Variants in EXOC3 observed in about 807,000 individuals in gnomAD.
EXOC3 encodes exocyst complex component 3.
A neutral mutation model predicts 73.7 loss-of-function variants in EXOC3; 21 were observed. The ratio of observed to expected loss-of-function variants is 0.29; its 90% CI spans 0.20 to 0.41. EXOC3 has a LOEUF of 0.41. Ranked by LOEUF, EXOC3 falls within the 10% of genes least tolerant of loss-of-function variation. EXOC3 has a pLI of 1.00. For synonymous variants in EXOC3, 410 were observed against 389.1 expected (o/e 1.05, Z -0.63); for missense variants, 842 against 985.1 (o/e 0.85, Z 1.95).
At chr5:446,371 C>T (rs781660416) in intron 2 of EXOC3, 22 bp downstream of exon 2, 20 of 1,570,206 alleles carry the variant, frequency 1.3e-5, no homozygotes, top group Non-Finnish European at 1.7e-5. Flanking sequence ...TGCCCCACTC[C>T]CAGGATCTGT....
chr5:466,527 C>A, intron 12 of EXOC3, 200 bp from the exon 13 acceptor site: 1 of 557,952 alleles, frequency 1.8e-6, no homozygotes, highest in Non-Finnish European at 3.2e-6. Context: ...AAAAATCTTT[C>A]TGCAATTGGA....
chr5:444,209 G>T (rs1737436185), intron 1 of EXOC3, among the ~76,000 whole-genome samples: 1 of 152,260 alleles, frequency 6.6e-6, no homozygotes, highest in Non-Finnish European at 1.5e-5. Flanking sequence ...CTGGACCTGG[G>T]TCTCTGTTTA....
At chr5:462,510 C>T (rs1192626972) in intron 9 of EXOC3, 3 of 584,592 alleles carry the variant, frequency 5.1e-6, no homozygotes, top group Non-Finnish European at 9.2e-6. Flanking sequence ...TTCTTACGCA[C>T]AATTCAGTAG....
At chr5:452,488 T>G (rs1376370237) in intron 3 of EXOC3, among the ~76,000 whole-genome samples, 1 of 152,276 alleles carries the variant, frequency 6.6e-6, no homozygotes, top group African/African-American at 2.4e-5. Flanking sequence ...TTTTAAAGTC[T>G]TTCTCTAGTA....
chr5:444,709 G>T (rs932828137), intron 1 of EXOC3, among the ~76,000 whole-genome samples: 1 of 152,208 alleles, frequency 6.6e-6, no homozygotes, highest in Admixed American at 6.6e-5. Flanking sequence ...TTTAAGGGGA[G>T]TTGTCCCTGG....
At chr5:448,755 C>T (rs1737575052) in intron 3 of EXOC3, among the ~76,000 whole-genome samples, 3 of 152,218 alleles carry the variant, frequency 2.0e-5, no homozygotes, top group South Asian at 2.1e-4. Flanking sequence ...TCCTCTCTGC[C>T]CTCCTCTCGT....
intron 4 of EXOC3, among the ~76,000 whole-genome samples, chr5:455,313 A>G (rs1296542153): frequency 1.3e-5 from 2 of 151,994 alleles, no homozygotes; most frequent in Non-Finnish European, 2.9e-5. Context: ...TTGTGTCTTG[A>G]TTTTGTCTTT....
rs1448208463 is a variant in EXOC3, at chr5:443,233, GGCGGCGGCGGCGGCGGC to G, written c.-112_-96del. ...CGAAGGCGGAGGGGGCGGCGGGGGC[GGCGGCGGCGGCGGCGGC>G]GGCGGCGGCGGCGGCGGCGGCGGCG... On this transcript the variant is annotated 5_prime_UTR_variant, in exon 1 of 13. Coordinates refer to ENST00000512944, the MANE Select transcript of EXOC3 (RefSeq NM_007277.5). 1 of 2,178 alleles carries G rather than the reference GGCGGCGGCGGCGGCGGC, an allele frequency of 4.6e-4. No homozygotes were observed. 0.1% of individuals were successfully genotyped at this position (2,178 alleles called of 1,614,324 possible).
intron 1 of EXOC3, chr5:444,779 A>G (rs1416792086): frequency 1.3e-5 from 2 of 148,692 alleles, no homozygotes; most frequent in African/African-American, 4.9e-5. Flanking sequence ...GTTACCCCTG[A>G]GTGGTGGGAT....
Position 462,144 on chromosome 5 carries a change from C to T in EXOC3, c.1503-13C>T, listed in dbSNP as rs894022430. On this transcript the variant is annotated splice_polypyrimidine_tract_variant and intron_variant, in intron 8 of 12. Transcript: ENST00000512944. ...CCCAGCCGCTGTGTTGAACCTGAAC[C>T]CTTTCCTTGCAGGGAATCCATAGTC... is the stretch of plus-strand genomic sequence containing the variant. The T allele has an allele frequency of 8.1e-6, 13 of 1,613,510 alleles. No homozygotes were observed. The highest frequency in any genetic ancestry group is 2.2e-5 in the East Asian group (1 of 44,888).
intron 3 of EXOC3, among the ~76,000 whole-genome samples, chr5:450,485 T>C (rs1255639558): frequency 1.3e-5 from 2 of 152,264 alleles, no homozygotes; most frequent in African/African-American, 4.8e-5. Flanking sequence ...CTGTCCCATG[T>C]GCACGTGAGA....
At chr5:457,039 C>A in intron 5 of EXOC3, 33 bp downstream of exon 5, 1 of 1,486,314 alleles carries the variant, frequency 6.7e-7, no homozygotes, top group Non-Finnish European at 9.4e-7. Flanking sequence ...CCACAGACCA[C>A]CGTGCTGGTT....
intron 3 of EXOC3, among the ~76,000 whole-genome samples, chr5:448,946 C>G (rs1158206524): frequency 6.6e-6 from 1 of 152,240 alleles, no homozygotes; most frequent in African/African-American, 2.4e-5. Context: ...TGTGGGCCGC[C>G]TGGAACAGGA....
intron 3 of EXOC3, among the ~76,000 whole-genome samples, chr5:448,051 T>C (rs1283804251): frequency 6.6e-6 from 1 of 152,148 alleles, no homozygotes; most frequent in Non-Finnish European, 1.5e-5. Context: ...GCGATGTGGC[T>C]GTTAGACTCT....
chr5:452,390 A>T, intron 3 of EXOC3, among the ~76,000 whole-genome samples: 1 of 150,892 alleles, frequency 6.6e-6, no homozygotes, highest in South Asian at 2.1e-4. Flanking sequence ...TTCCTTTTGG[A>T]TTTTCTGTCT....
intron 1 of EXOC3, 141 bp downstream of exon 1, chr5:443,431 TC>T (rs1470283013): frequency 1.3e-5 from 2 of 152,658 alleles, no homozygotes; most frequent in East Asian, 1.9e-4. Flanking sequence ...GGGAGGCCGT[TC>T]CGGACCCCGT....
At chr5:465,903 C>T (rs1738133693) in intron 12 of EXOC3, 58 bp downstream of exon 12, 3 of 1,544,014 alleles carry the variant, frequency 1.9e-6, no homozygotes, top group Non-Finnish European at 2.6e-6. Flanking sequence ...GCGGCAGGTC[C>T]CTCCTTCTGT....
chr5:464,503 G>C, intron 10 of EXOC3, 91 bp downstream of exon 10: 1 of 1,378,008 alleles, frequency 7.3e-7, no homozygotes, highest in Non-Finnish European at 1.0e-6. Context: ...GAGTCCCTCC[G>C]TGAGTGAACG....
At chr5:465,311 G>A (rs1738110017) in intron 11 of EXOC3, 39 bp downstream of exon 11, 1 of 1,552,012 alleles carries the variant, frequency 6.4e-7, no homozygotes, top group African/African-American at 1.4e-5. Context: ...AAGGCCTGTC[G>A]CTCCGCGGCC....
Sources: gnomAD v4.1 joint callset for allele counts (sites outside exome capture counted in the v4.1 genomes callset) on GRCh38, gnomAD v4.1.1 for gene constraint, MANE v1.5 for transcripts, NCBI Gene and HGNC (gene_info 2026-07-23, HGNC 2026-07-21) for gene names.